Variants in RAPGEF2 observed in about 807,000 individuals in gnomAD.
The protein encoded by RAPGEF2 is Rap guanine nucleotide exchange factor 2, also known as PDZ domain containing guanine nucleotide exchange factor (GEF) 1.
In RAPGEF2, 54 loss-of-function variants were observed where a neutral mutation model predicts 186.7. That is an observed-to-expected ratio of 0.29 (90% CI 0.23 to 0.36). The LOEUF (loss-of-function observed/expected upper bound fraction) is 0.36, where lower values mean the gene tolerates loss of function less well. Ranked by LOEUF, RAPGEF2 falls within the 10% of genes least tolerant of loss-of-function variation. The pLI, the probability that RAPGEF2 is intolerant of heterozygous loss-of-function variation, is 1.00. For missense variants in RAPGEF2, 1,532 were observed against 2,045.0 expected, an observed-to-expected ratio of 0.75 and a Z score of 4.84; for synonymous variants, 712 against 705.9, an observed-to-expected ratio of 1.01 and a Z score of -0.14.
intron 1 of RAPGEF2, among the ~76,000 whole-genome samples, chr4:159,183,669 T>C (rs868316594): frequency 6.6e-6 from 1 of 152,200 alleles, no homozygotes; most frequent in African/African-American, 2.4e-5. Context: ...ATAAGGACCT[T>C]CTATCCAGAA....
intron 7 of RAPGEF2, among the ~76,000 whole-genome samples, chr4:159,256,861 G>A (rs532408160): frequency 6.6e-6 from 1 of 152,156 alleles, no homozygotes; most frequent in African/African-American, 2.4e-5. Context: ...GTCTGTTCAT[G>A]TCCTTTGCCC....
intron 7 of RAPGEF2, among the ~76,000 whole-genome samples, chr4:159,294,916 T>C (rs6822586): frequency 0.62 from 94,174 of 151,982 alleles, 30,468 homozygotes; most frequent in African/African-American, 0.78. Context: ...TGGTCTCAAA[T>C]GCCTAACCTC....
chr4:159,230,172 C>G (rs73859109), intron 4 of RAPGEF2, among the ~76,000 whole-genome samples: 2,670 of 152,264 alleles, frequency 0.018, 94 homozygotes, highest in African/African-American at 0.061. Context: ...TACCATACTT[C>G]TCCCTTCCAC....
chr4:159,309,448 G>A (rs1246482581), intron 8 of RAPGEF2, among the ~76,000 whole-genome samples: 3 of 152,048 alleles, frequency 2.0e-5, no homozygotes, highest in Admixed American at 6.6e-5. Flanking sequence ...GAAATTTTAG[G>A]CATTCAGTAA....
At chr4:159,235,090 G>A (rs13152231) in intron 4 of RAPGEF2, among the ~76,000 whole-genome samples, 45,083 of 152,100 alleles carry the variant, frequency 0.3, 7,957 homozygotes, top group Non-Finnish European at 0.4. Context: ...TATACATCTG[G>A]TCTTTTGGAA....
chr4:159,182,028 G>A (rs1202940482), intron 1 of RAPGEF2, among the ~76,000 whole-genome samples: 1 of 152,210 alleles, frequency 6.6e-6, no homozygotes, highest in Non-Finnish European at 1.5e-5. Context: ...TTTTCTAAAG[G>A]AGGGGTTTAT....
chr4:159,264,119 A>C (rs1757177265), intron 7 of RAPGEF2, among the ~76,000 whole-genome samples: 1 of 152,132 alleles, frequency 6.6e-6, no homozygotes, highest in Non-Finnish European at 1.5e-5. Context: ...TTTCTCCTAA[A>C]TCCTTTGTTT....
chr4:159,193,956 C>G (rs982503457), intron 3 of RAPGEF2, among the ~76,000 whole-genome samples: 1 of 152,112 alleles, frequency 6.6e-6, no homozygotes, highest in Non-Finnish European at 1.5e-5. Flanking sequence ...AGTTCATAAT[C>G]TGTTGAGGAA....
intron 1 of RAPGEF2, among the ~76,000 whole-genome samples, chr4:159,164,610 G>T (rs1193785994): frequency 6.6e-6 from 1 of 151,988 alleles, no homozygotes; most frequent in African/African-American, 2.4e-5. Flanking sequence ...ACAGTGTCTG[G>T]CATATAATAG....
At chr4:159,225,130 A>AG (rs1751896348) in intron 4 of RAPGEF2, among the ~76,000 whole-genome samples, 1 of 152,178 alleles carries the variant, frequency 6.6e-6, no homozygotes. Context: ...TTGTAGATAC[A>AG]GGGTAGGGTA....
intron 9 of RAPGEF2, among the ~76,000 whole-genome samples, chr4:159,317,344 A>G (rs556966569): frequency 7.2e-5 from 11 of 152,224 alleles, no homozygotes; most frequent in African/African-American, 2.6e-4. Flanking sequence ...AGTCCTGGCA[A>G]CTCACTCAGT....
chr4:159,106,520 C>T (rs1444637661), intron 1 of RAPGEF2, among the ~76,000 whole-genome samples: 4 of 151,954 alleles, frequency 2.6e-5, no homozygotes, highest in Non-Finnish European at 2.9e-5. Context: ...TTTGTGAGTT[C>T]GAATTTTATA....
At chr4:159,238,498 G>A (rs146872194) in intron 4 of RAPGEF2, among the ~76,000 whole-genome samples, 22 of 152,130 alleles carry the variant, frequency 1.4e-4, no homozygotes, top group African/African-American at 5.3e-4. Flanking sequence ...TATTCTCAAA[G>A]TTCACCTGAG....
intron 1 of RAPGEF2, among the ~76,000 whole-genome samples, chr4:159,149,493 G>A (rs1046758003): frequency 1.3e-5 from 2 of 152,016 alleles, no homozygotes; most frequent in Admixed American, 6.6e-5. Context: ...TCCTGACCTC[G>A]TGATCCACCC....
At position 159,341,762 on chromosome 4, in the gene RAPGEF2, A is replaced by G; in HGVS notation, c.2733A>G (p.Ser911=). The G allele has an allele frequency of 6.2e-7, 1 of 1,614,002 alleles. No homozygotes were observed. Among genetic ancestry groups the G allele is most frequent in the Non-Finnish European group, 8.5e-7 (1 of 1,179,892 alleles). The change falls in exon 20 of 30, where the codon TCA becomes TCG. Residue 911 remains serine (S), a synonymous_variant. Transcript: ENST00000691494. ...TAGATGATTTATTTAAACTCAGATCAAAAACCAGCTGTGCCAACCTGAAGA... is the reference window on the plus strand; with the variant it reads ...TAGATGATTTATTTAAACTCAGATCGAAAACCAGCTGTGCCAACCTGAAGA... ...EYIDDLFKLR[S]KTSCANLKRF...
At chr4:159,152,224 G>A (rs1743625652) in intron 1 of RAPGEF2, among the ~76,000 whole-genome samples, 4 of 152,250 alleles carry the variant, frequency 2.6e-5, no homozygotes, top group Admixed American at 2.6e-4. Flanking sequence ...GGAGGCTGGG[G>A]TGGGAGAATC....
At position 159,346,993 on chromosome 4, in the gene RAPGEF2, C is replaced by G. The variant is rs1475929046; in HGVS notation, c.3707C>G (p.Pro1236Arg). ...RKKVPVKDLP[P>R]FGINSPQALK... The stretch of plus-strand genomic sequence containing the variant: ...AAAGTGCCCGTAAAGGATCTCCCAC[C>G]TTTTGGTAAGTGATTACATTCATTT... Residue 1236 changes from proline to arginine, a missense_variant, in exon 25 of 30, where the codon CCT becomes CGT. By Grantham distance (103) the Pro-to-Arg change is moderately radical. Around this residue, in one of 4 missense-constraint regions of RAPGEF2, gnomAD observed 594 missense variants for 608.5 expected, o/e 0.98. Coordinates refer to ENST00000691494, the MANE Select transcript of RAPGEF2 (RefSeq NM_001394067.2). The G allele has an allele frequency of 3.1e-6, 5 of 1,611,956 alleles. No individual in the cohort carries two copies. Among genetic ancestry groups the G allele is most frequent in the Non-Finnish European group, 4.2e-6 (5 of 1,178,308 alleles).
intron 9 of RAPGEF2, among the ~76,000 whole-genome samples, chr4:159,318,810 A>G (rs959092378): frequency 1.3e-5 from 2 of 152,222 alleles, no homozygotes; most frequent in East Asian, 1.9e-4. Flanking sequence ...AAACCAGGAT[A>G]AGCTAATTTT....
Position 159,332,547 on chromosome 4 carries a change from C to G in RAPGEF2, c.1985C>G (p.Ser662Cys). The part of the protein sequence containing the change: ...IGDIKKASRY[S>C]IPDLAVDVEQ... ...GACATTAAAAAGGCCAGTCGCTACT[C>G]CATTCCAGATCTTGCTGTAGATGTA... Residue 662 changes from serine (S) to cysteine (C), a missense_variant, in exon 17 of 30, where the codon TCC becomes TGC. By Grantham distance (112) the Ser-to-Cys change is moderately radical (BLOSUM62 -1). Around this residue, in one of 4 missense-constraint regions of RAPGEF2, gnomAD observed 810 missense variants for 1,210.5 expected, o/e 0.67. Coordinates refer to ENST00000691494, the MANE Select transcript of RAPGEF2 (RefSeq NM_001394067.2). The G allele has an allele frequency of 6.2e-7, 1 of 1,614,132 alleles. No homozygotes were observed. The highest frequency in any genetic ancestry group is 8.5e-7 in the Non-Finnish European group (1 of 1,180,028).
Sources: allele counts gnomAD v4.1 joint callset (sites outside exome capture counted in the v4.1 genomes callset), GRCh38; gene constraint gnomAD v4.1.1; regional missense constraint gnomAD v4.1.1; transcripts MANE v1.5; gene names NCBI Gene and HGNC (gene_info 2026-07-23, HGNC 2026-07-21).